The following DIS3 variants were observed in gnomAD, a reference collection of about 807,000 sequenced individuals.
The protein encoded by DIS3 is DIS3 exosome endoribonuclease and 3'-5' exoribonuclease.
In DIS3, 103 loss-of-function variants were observed where a neutral mutation model predicts 113.0. The ratio of observed to expected loss-of-function variants is 0.91; its 90% CI spans 0.78 to 1.07. The LOEUF (loss-of-function observed/expected upper bound fraction) is 1.07, where lower values mean the gene tolerates loss of function less well. Among genes scored for constraint, DIS3 ranks in the 50% least tolerant of loss-of-function variants. The pLI, the probability that DIS3 is intolerant of heterozygous loss-of-function variation, is 0.00. For missense variants in DIS3, 1,121 were observed against 1,167.1 expected (o/e 0.96, Z 0.58); for synonymous variants, 402 against 394.3 (o/e 1.02, Z -0.23).
intron 19 of DIS3, among the ~76,000 whole-genome samples, 190 bp downstream of exon 19, chr13:72,761,173 G>A (rs1435587618): frequency 6.6e-6 from 1 of 152,130 alleles, no homozygotes; most frequent in African/African-American, 2.4e-5. Context: ...GACATATAGT[G>A]GTGAGAAATT....
In DIS3 at chr13:72,768,786, CT is replaced by C. The variant is rs774491006; in HGVS notation, c.1881del (p.Ala629LeufsTer2). The stretch of plus-strand genomic sequence containing the variant: ...AATACTATGAAAAACAAAATATACC[CT>C]TTTTCAATCCTTCTTTTCTTCAGAA... The part of the protein sequence containing the change: ...AKILKKRRIE[K>X]GALTLSSPEV... On this transcript the variant is annotated frameshift_variant and splice_region_variant, in exon 14 of 21. Transcript: ENST00000377767. LOFTEE classifies it high-confidence loss of function. The C allele has an allele frequency of 2.5e-6, 4 of 1,592,272 alleles. No homozygotes were observed. Among genetic ancestry groups the C allele is most frequent in the South Asian group, 2.3e-5 (2 of 87,424 alleles).
intron 20 of DIS3, 130 bp downstream of exon 20, chr13:72,760,399 G>A (rs2033594549): frequency 9.1e-7 from 1 of 1,103,084 alleles, no homozygotes; most frequent in Non-Finnish European, 1.3e-6. Context: ...GATTTGCTAT[G>A]CAAATATTTG....
At chr13:72,765,060 A>G (rs2033713783) in intron 15 of DIS3, among the ~76,000 whole-genome samples, 1 of 152,176 alleles carries the variant, frequency 6.6e-6, no homozygotes, top group African/African-American at 2.4e-5. Context: ...AAAAGTGCAT[A>G]TGCATGTTGA....
chr13:72,766,037 A>T lies in DIS3; in HGVS notation c.1905T>A (p.Pro635=), dbSNP rs776603784. 5.6e-6 allele frequency: 9 copies of T among 1,611,426 alleles called. No individual in the cohort carries two copies. The South Asian group carries it at 1.0e-4, about 18-fold the overall frequency. ...CACTGTCCATGTGGAATCGAACTTCAGGAGAGGATAGAGTCAAAGCCCTAC... is the reference window on the plus strand; with the variant it reads ...CACTGTCCATGTGGAATCGAACTTCTGGAGAGGATAGAGTCAAAGCCCTAC... The part of the protein sequence containing the change: ...IEKGALTLSS[P]EVRFHMDSET... Residue 635 remains proline (P), a synonymous_variant, in exon 15 of 21, where the codon CCT becomes CCA. Transcript: ENST00000377767.
chr13:72,769,046 A>G, intron 13 of DIS3, 134 bp from the exon 14 acceptor site: 2 of 548,868 alleles, frequency 3.6e-6, no homozygotes, highest in South Asian at 5.6e-5. Context: ...AGAAATTCTT[A>G]GCTATGATAT....
At chr13:72,775,509 CTT>C in intron 5 of DIS3, 134 bp from the exon 6 acceptor site, 1 of 1,103,312 alleles carries the variant, frequency 9.1e-7, no homozygotes, top group East Asian at 3.0e-5. Context: ...TATAGATTTT[CTT>C]TCTCTATTGT....
chr13:72,776,176 T>C (rs1011968934), intron 4 of DIS3, 84 bp from the exon 5 acceptor site: 4 of 1,346,308 alleles, frequency 3.0e-6, no homozygotes, highest in Non-Finnish European at 4.0e-6. Flanking sequence ...CAGAGAATTT[T>C]TGAAATCTAC....
At chr13:72,768,667 T>C (rs549920147) in intron 14 of DIS3, 118 bp downstream of exon 14, 1 of 738,402 alleles carries the variant, frequency 1.4e-6, no homozygotes, top group Non-Finnish European at 2.0e-6. Context: ...CATACATAAA[T>C]GGAAGCTAGA....
Position 72,760,560 on chromosome 13 carries a change from T to C in DIS3, c.2762A>G (p.Gln921Arg). Residue 921 changes from glutamine to arginine, a missense_variant, in exon 20 of 21, where the codon CAG becomes CGG. By Grantham distance (43) the Gln-to-Arg change is conservative (BLOSUM62 1). Transcript: ENST00000377767. ...TTCTACCAGGGACATTCGGATCTTC[T>C]GATGTTGAAGATTAGATGAGTCTAA... ...IMLDSSNLQH[Q>R]KIRMSLVEPQ... 6.2e-7 allele frequency: 1 copy of C among 1,613,620 alleles called. No individual in the cohort carries two copies. Among genetic ancestry groups the C allele is most frequent in the East Asian group, 2.2e-5 (1 of 44,796 alleles).
intron 19 of DIS3, among the ~76,000 whole-genome samples, chr13:72,760,938 G>T (rs1056129859): frequency 1.3e-5 from 2 of 151,958 alleles, no homozygotes; most frequent in African/African-American, 4.8e-5. Context: ...GTCTAGTAGA[G>T]GAACACAAAG....
At position 72,780,897 on chromosome 13, in the gene DIS3, AC is replaced by A. The variant is rs1440593978; in HGVS notation, c.334del (p.Val112Ter). The stretch of plus-strand genomic sequence containing the variant: ...GAAATGCTTCTCTTGGTTATTAGTC[AC>A]ATCTCGGATGCGTTTATATACGGGG... ...SAPVYKRIRDVTNNQEKHFYT... is the reference protein window; with the variant it reads ...SAPVYKRIRDXTNNQEKHFYT... On this transcript the variant is annotated frameshift_variant, in exon 2 of 21. Transcript: ENST00000377767. LOFTEE classifies it high-confidence loss of function. 6.2e-7 allele frequency: 1 copy of A among 1,610,144 alleles called. No homozygotes were observed. Among genetic ancestry groups the A allele is most frequent in the African/African-American group, 1.4e-5 (1 of 73,952 alleles).
At position 72,770,907 on chromosome 13, in the gene DIS3, T is replaced by C; in HGVS notation, c.1752A>G (p.Ser584=). The change falls in exon 13 of 21, where the codon TCA becomes TCG. Residue 584 remains serine, a synonymous_variant. Transcript: ENST00000377767. ...KTKFTKSVIN[S]KASLTYAEAQ... Reference sequence around the variant, plus strand: ...GATTAATAGCCATGAAACGAACCTTTGAATTAATAACACTTTTGGTAAACT... The same window carrying C: ...GATTAATAGCCATGAAACGAACCTTCGAATTAATAACACTTTTGGTAAACT... The C allele has an allele frequency of 6.3e-7, 1 of 1,594,330 alleles. No individual in the cohort carries two copies. Among genetic ancestry groups the C allele is most frequent in the Non-Finnish European group, 8.6e-7 (1 of 1,169,314 alleles).
intron 3 of DIS3, 34 bp from the exon 4 acceptor site, chr13:72,777,527 T>G (rs1401419065): frequency 1.3e-6 from 2 of 1,590,038 alleles, no homozygotes; most frequent in Non-Finnish European, 1.7e-6. Flanking sequence ...TTTTGATAAG[T>G]GTTTTTTCCT....
At chr13:72,772,069 T>G in intron 10 of DIS3, 90 bp downstream of exon 10, 1 of 1,279,946 alleles carries the variant, frequency 7.8e-7, no homozygotes, top group Non-Finnish European at 1.1e-6. Context: ...TTCACAAGAG[T>G]AATTAACAAG....
intron 10 of DIS3, 35 bp from the exon 11 acceptor site, chr13:72,771,931 C>A: frequency 1.3e-6 from 2 of 1,591,518 alleles, no homozygotes; most frequent in Non-Finnish European, 1.7e-6. Flanking sequence ...TGTCAATATG[C>A]TTGACTGGGT....
intron 14 of DIS3, 104 bp downstream of exon 14, chr13:72,768,681 A>T: frequency 2.4e-6 from 2 of 843,634 alleles, no homozygotes; most frequent in Non-Finnish European, 3.5e-6. Context: ...AGCTAGAAGA[A>T]ACAGGAGTCT....
In DIS3 at chr13:72,771,834, T is replaced by C. The variant is rs1229002961; in HGVS notation, c.1566A>G (p.Glu522=). 1 of 1,613,732 alleles carries C rather than the reference T, an allele frequency of 6.2e-7. No individual in the cohort carries two copies. The highest frequency in any genetic ancestry group is 8.5e-7 in the Non-Finnish European group (1 of 1,179,910). Residue 522 remains glutamate (E), a synonymous_variant, in exon 11 of 21, where the codon GAA becomes GAG. Transcript: ENST00000377767. Reference sequence around the variant, plus strand: ...ACACAGTTGTTCCTCTTCTGGCTGATTCTTGATCCAAGGCATTTCCTGGCC... The same window carrying C: ...ACACAGTTGTTCCTCTTCTGGCTGACTCTTGATCCAAGGCATTTCCTGGCC... ...FIRPGNALDQ[E]SARRGTTVYL...
chr13:72,758,758 A>G lies in DIS3; in HGVS notation c.*1037T>C. ...CTGATTTACTTGGCAGGCTTTTCTC[A>G]CTATACTGCAAGCTCCTTGAAGGCA... is the stretch of plus-strand genomic sequence containing the variant. On this transcript the variant is annotated 3_prime_UTR_variant, in exon 21 of 21. Transcript: ENST00000377767. 4.9e-6 allele frequency: 1 copy of G among 204,932 alleles called. No homozygotes were observed. Among genetic ancestry groups the G allele is most frequent in the Non-Finnish European group, 1.0e-5 (1 of 100,044 alleles). The allele number at this position is 204,932 out of a possible 1,614,324, so 12.7% of individuals were successfully genotyped here.
At chr13:72,774,391 T>A (rs1202462064) in intron 6 of DIS3, among the ~76,000 whole-genome samples, 4 of 152,166 alleles carry the variant, frequency 2.6e-5, no homozygotes, top group Non-Finnish European at 4.4e-5. Context: ...GGTCTGGGAA[T>A]TAGATTAGGG....
Sources: gnomAD v4.1 joint callset for allele counts (sites outside exome capture counted in the v4.1 genomes callset) on GRCh38, gnomAD v4.1.1 for gene constraint, MANE v1.5 for transcripts, NCBI Gene and HGNC (gene_info 2026-07-23, HGNC 2026-07-21) for gene names.